The following ESYT3 variants were observed in gnomAD, a reference collection of about 807,000 sequenced individuals.
ESYT3 encodes extended synaptotagmin-3.
A neutral mutation model predicts 111.5 loss-of-function variants in ESYT3; 101 were observed. That is an observed-to-expected ratio of 0.91 (90% CI 0.77 to 1.07). The LOEUF is 1.07. Among genes scored for constraint, ESYT3 ranks in the 50% least tolerant of loss-of-function variants. The pLI is 0.00. For missense variants in ESYT3, 1,097 were observed against 1,109.4 expected (o/e 0.99, Z 0.16); for synonymous variants, 416 against 446.8 (o/e 0.93, Z 0.87).
intron 1 of ESYT3, among the ~76,000 whole-genome samples, chr3:138,438,941 T>C (rs1447911380): frequency 6.6e-6 from 1 of 152,244 alleles, no homozygotes; most frequent in Non-Finnish European, 1.5e-5. Flanking sequence ...TTCAAGAGGC[T>C]GCATGTTTAC....
chr3:138,457,631 G>A lies in ESYT3; in HGVS notation c.568G>A (p.Asp190Asn), dbSNP rs2032371449. 6.2e-7 allele frequency: 1 copy of A among 1,614,180 alleles called. No individual in the cohort carries two copies. The highest frequency in any genetic ancestry group is 8.5e-7 in the Non-Finnish European group (1 of 1,180,040). ...NTCNRRRVTV[D>N]LQICYIGDCE... ...GTGCAACCGAAGACGTGTGACTGTGGACCTGCAGATCTGGTGAGCTCTATC... is the reference window on the plus strand; with the variant it reads ...GTGCAACCGAAGACGTGTGACTGTGAACCTGCAGATCTGGTGAGCTCTATC... The change falls in exon 4 of 23, where the codon GAC becomes AAC. Residue 190 changes from aspartate to asparagine, a missense_variant. Transcript: ENST00000389567.
intron 1 of ESYT3, among the ~76,000 whole-genome samples, chr3:138,441,833 T>TG (rs1390414348): frequency 2.0e-5 from 3 of 151,666 alleles, no homozygotes; most frequent in Non-Finnish European, 4.4e-5. Context: ...GCACCTTTTT[T>TG]TTTTAAGGTG....
At chr3:138,455,456 G>A (rs951491310) in intron 3 of ESYT3, 128 bp downstream of exon 3, 7 of 978,508 alleles carry the variant, frequency 7.2e-6, no homozygotes, top group Non-Finnish European at 1.0e-5. Flanking sequence ...CTTACAGGGG[G>A]ACACCCTCCC....
chr3:138,443,387 G>A (rs1020453941), intron 1 of ESYT3, among the ~76,000 whole-genome samples: 4 of 152,202 alleles, frequency 2.6e-5, no homozygotes, highest in African/African-American at 9.6e-5. Flanking sequence ...CAAAGTCTGC[G>A]CATCAGGAGA....
intron 14 of ESYT3, 152 bp downstream of exon 14, chr3:138,469,033 A>T: frequency 1.2e-6 from 1 of 827,072 alleles, no homozygotes. Flanking sequence ...ACTGTGTGCC[A>T]GGCACTAGGC....
At chr3:138,463,355 A>G (rs974949709) in intron 8 of ESYT3, among the ~76,000 whole-genome samples, 1 of 152,204 alleles carries the variant, frequency 6.6e-6, no homozygotes, top group African/African-American at 2.4e-5. Flanking sequence ...TTGGCCTCCC[A>G]AAGTGCTGGA....
rs1162092857 is a variant in ESYT3 at position 138,460,667 on chromosome 3, G to C, written c.794+1G>C. On this transcript the variant is annotated splice_donor_variant, in intron 7 of 22. Transcript: ENST00000389567. LOFTEE classifies it high-confidence loss of function. ...ACCTGCTGGATGCGCCGGGAATCAA[G>C]TAGGTGCCTGGGAGAGCCTCGAGGG... 1 of 1,614,058 alleles carries C rather than the reference G, an allele frequency of 6.2e-7. No individual in the cohort carries two copies. Among genetic ancestry groups the C allele is most frequent in the Admixed American group, 1.7e-5 (1 of 60,020 alleles).
chr3:138,463,546 A>T (rs1016091153), intron 8 of ESYT3, among the ~76,000 whole-genome samples: 2 of 152,208 alleles, frequency 1.3e-5, no homozygotes, highest in Non-Finnish European at 2.9e-5. Flanking sequence ...ATGGACCATT[A>T]TGTTGTGTTG....
intron 1 of ESYT3, among the ~76,000 whole-genome samples, chr3:138,445,347 T>C (rs112553505): frequency 2.0e-4 from 31 of 152,312 alleles, no homozygotes; most frequent in Non-Finnish European, 4.0e-4. Context: ...TCAGATTGGG[T>C]GCGTTTGCCA....
Position 138,435,623 on chromosome 3 carries a change from G to T in ESYT3, c.327+498G>T, listed in dbSNP as rs892048113. On this transcript the variant is annotated intron_variant, in intron 1 of 22. Coordinates refer to ENST00000389567, the MANE Select transcript of ESYT3 (RefSeq NM_031913.5). This position sits in a 1 kb window ranked among gnomAD's most constrained non-coding sequence, Gnocchi z 4.8. ...GTAGGGGGAGGGCTCCGCGGGGCTG[G>T]AGGTGGAGTGGCGGGTACGGCTGGG... 1.3e-5 allele frequency among the ~76,000 whole-genome samples: 2 copies of T among 152,192 alleles called. No homozygotes were observed. Among genetic ancestry groups the T allele is most frequent in the African/African-American group, 4.8e-5 (2 of 41,454 alleles).
chr3:138,462,116 C>T lies in ESYT3; in HGVS notation c.825C>T (p.Leu275=). The change falls in exon 8 of 23, where the codon CTC becomes CTT. Residue 275 remains leucine (L), a synonymous_variant. Transcript: ENST00000389567. ...TGTCAGACAGCTTACTGGAGGACCT[C>T]ATTGCCACCCACCTGGTGCTGCCCA... ...NDVSDSLLED[L]IATHLVLPNR... 1 of 1,614,214 alleles carries T rather than the reference C, an allele frequency of 6.2e-7. No homozygotes were observed. The highest frequency in any genetic ancestry group is 1.1e-5 in the South Asian group (1 of 91,080).
chr3:138,435,136 C>CT lies in ESYT3; in HGVS notation c.327+11_327+12insT. ...CACCTGCCAGCCTGGGTGAGCCAAG[C>CT]CGGGTGGGAGTGGGAGGTGGGGAGA... On this transcript the variant is annotated intron_variant, in intron 1 of 22. Transcript: ENST00000389567. The surrounding 1 kb of genome is among the most constrained non-coding windows in gnomAD (Gnocchi z 4.8). 1 of 1,564,262 alleles carries CT rather than the reference C, an allele frequency of 6.4e-7. No homozygotes were observed. Among genetic ancestry groups the CT allele is most frequent in the South Asian group, 1.2e-5 (1 of 84,172 alleles).
At chr3:138,461,943 C>T in intron 7 of ESYT3, 143 bp from the exon 8 acceptor site, 1 of 1,178,624 alleles carries the variant, frequency 8.5e-7, no homozygotes, top group South Asian at 1.4e-5. Flanking sequence ...CCCACCCCTA[C>T]CCAGGCAAGT....
downstream of ESYT3, chr3:138,480,394 A>T (rs956871040): frequency 9.1e-6 from 1 of 110,278 alleles, no homozygotes; most frequent in African/African-American, 3.3e-5. Context: ...TCAACAATGT[A>T]TTGCAGCCTG....
At position 138,478,603 on chromosome 3, in the gene ESYT3, AT is replaced by A. The variant is rs993697575; in HGVS notation, c.*1752del. On this transcript the variant is annotated 3_prime_UTR_variant, in exon 23 of 23. Transcript: ENST00000389567. ...CTTCTTCCAAACTTAAACCACAAAC[AT>A]TTATTTTAAACGTGGTCAATTGAAC... The A allele has an allele frequency of 6.6e-6, 1 of 152,164 alleles. No individual in the cohort carries two copies. The highest frequency in any genetic ancestry group is 2.4e-5 in the African/African-American group (1 of 41,452). The allele number at this position is 152,164 out of a possible 1,614,324, so 9.4% of individuals were successfully genotyped here.
rs765676818 is a variant in ESYT3, at chr3:138,472,775, C to T, written c.2153C>T (p.Pro718Leu). 16 of 1,614,104 alleles carry T rather than the reference C, an allele frequency of 9.9e-6. No individual in the cohort carries two copies. Among genetic ancestry groups the T allele is most frequent in the Non-Finnish European group, 1.4e-5 (16 of 1,180,052 alleles). Residue 718 changes from proline (P) to leucine (L), a missense_variant, in exon 18 of 23, where the codon CCC becomes CTC. Pro to Leu is a moderately conservative substitution (Grantham distance 98, BLOSUM62 -3). Coordinates refer to ENST00000389567, the MANE Select transcript of ESYT3 (RefSeq NM_031913.5). Reference sequence around the variant, plus strand: ...CCTGCCTCCCCATTCGCATGGCCGCCCAAGAGGCTGGCTCCCAGCATGTCC... The same window carrying T: ...CCTGCCTCCCCATTCGCATGGCCGCTCAAGAGGCTGGCTCCCAGCATGTCC... ...KCPASPFAWP[P>L]KRLAPSMSSL...
At chr3:138,465,472 G>T in intron 10 of ESYT3, 51 bp downstream of exon 10, 3 of 1,436,214 alleles carry the variant, frequency 2.1e-6, no homozygotes, top group East Asian at 2.4e-5. Context: ...CCCTCCCTGC[G>T]GGGTGCTGGG....
intron 6 of ESYT3, 117 bp from the exon 7 acceptor site, chr3:138,460,494 C>A (rs1465316702): frequency 1.3e-5 from 15 of 1,141,886 alleles, no homozygotes; most frequent in Non-Finnish European, 1.8e-5. Flanking sequence ...TTCCTCCGAA[C>A]CCCCACCCTG....
At position 138,476,929 on chromosome 3, in the gene ESYT3, AC is replaced by A. The variant is rs2033514678; in HGVS notation, c.*76del. ...ATATATTTTTTCCTTTGGATCACTT[AC>A]ATCCAATATATGTATATTTTGTCAT... On this transcript the variant is annotated 3_prime_UTR_variant, in exon 23 of 23. Coordinates refer to ENST00000389567, the MANE Select transcript of ESYT3 (RefSeq NM_031913.5). 1 of 1,128,976 alleles carries A rather than the reference AC, an allele frequency of 8.9e-7. No homozygotes were observed. The highest frequency in any genetic ancestry group is 1.3e-6 in the Non-Finnish European group (1 of 783,284). 69.9% of individuals were successfully genotyped at this position (1,128,976 alleles called of 1,614,324 possible). A position where few individuals can be genotyped will look rare whatever the true frequency, so the allele number is the denominator to read the frequency against.
Sources: gnomAD v4.1 joint callset for allele counts (sites outside exome capture counted in the v4.1 genomes callset) on GRCh38, gnomAD v4.1.1 for gene constraint, Gnocchi (gnomAD v3.1) non-coding constraint, MANE v1.5 for transcripts, NCBI Gene and HGNC (gene_info 2026-07-23, HGNC 2026-07-21) for gene names.